The following PARD3 variants were observed in gnomAD, a reference collection of about 807,000 sequenced individuals.
The protein encoded by PARD3 is par-3 family cell polarity regulator.
Under a neutral mutation model 155.4 loss-of-function variants are expected in PARD3, and 75 were observed. That is an observed-to-expected ratio of 0.48 (90% CI 0.40 to 0.58). The LOEUF is 0.58. PARD3 is among the 20% of genes least tolerant of loss of function. The probability of loss-of-function intolerance (pLI) is 0.00; values close to 1 mark genes in which losing one functional copy is unlikely to be tolerated. For missense variants in PARD3, 1,642 were observed against 1,721.7 expected (o/e 0.95, Z 0.82); for synonymous variants, 576 against 610.5 (o/e 0.94, Z 0.83).
At chr10:34,743,983 T>C (rs1376297672) in intron 1 of PARD3, among the ~76,000 whole-genome samples, 3 of 152,112 alleles carry the variant, frequency 2.0e-5, no homozygotes, top group East Asian at 1.9e-4. Context: ...AGTAACAGCA[T>C]GTCTCGGCTA....
intron 1 of PARD3, among the ~76,000 whole-genome samples, chr10:34,783,925 T>C (rs996654872): frequency 6.6e-6 from 1 of 152,178 alleles, no homozygotes; most frequent in African/African-American, 2.4e-5. Context: ...ATCAGTATTC[T>C]AGGCCAGGTA....
chr10:34,299,194 G>A (rs887404115), intron 20 of PARD3, among the ~76,000 whole-genome samples: 1 of 152,202 alleles, frequency 6.6e-6, no homozygotes, highest in African/African-American at 2.4e-5. Flanking sequence ...CCTCCCAAAA[G>A]GCTAAGAGCA....
At chr10:34,299,534 T>G (rs957551360) in intron 20 of PARD3, among the ~76,000 whole-genome samples, 3 of 152,168 alleles carry the variant, frequency 2.0e-5, no homozygotes, top group African/African-American at 7.2e-5. Flanking sequence ...AAATGGAAAC[T>G]GGATAAAAAT....
chr10:34,750,157 TAAGC>T (rs1835812606), intron 1 of PARD3, among the ~76,000 whole-genome samples: 1 of 151,546 alleles, frequency 6.6e-6, no homozygotes, highest in South Asian at 2.1e-4. Context: ...GTCAAAGTCA[TAAGC>T]TTGGAAAATA....
rs546230552 is a variant in PARD3 at position 34,473,059 on chromosome 10, A to G, written c.404-2796T>C. On this transcript the variant is annotated intron_variant, in intron 3 of 24. Transcript: ENST00000374788. ...AGAGGAAGATAACAGAGGGAGCTCC[A>G]GGCCCTGCGGGATGTCTCTTATGGT... 7.9e-5 allele frequency among the ~76,000 whole-genome samples: 12 copies of G among 152,282 alleles called. No individual in the cohort carries two copies. The South Asian group carries it at 2.5e-3, about 32-fold the overall frequency.
rs779397159 is a variant in PARD3, at chr10:34,696,425, C to T, written c.121-6G>A. The stretch of plus-strand genomic sequence containing the variant: ...TGTATCCAGTAGTTTGGATCCTATA[C>T]GAAAGAACAGAAACACTGAATATAG... On this transcript the variant is annotated splice_region_variant and splice_polypyrimidine_tract_variant and intron_variant, in intron 1 of 24. Transcript: ENST00000374788. 15 of 1,560,628 alleles carry T rather than the reference C, an allele frequency of 9.6e-6. No homozygotes were observed. The highest frequency in any genetic ancestry group is 5.6e-5 in the South Asian group (5 of 89,518).
intron 2 of PARD3, among the ~76,000 whole-genome samples, chr10:34,579,268 C>CA (rs11463688): frequency 0.5 from 68,373 of 135,970 alleles, 17,782 homozygotes; most frequent in African/African-American, 0.72. Flanking sequence ...AGACTGGTCT[C>CA]AAAAAAAAAA....
At chr10:34,276,873 A>G (rs550507469) in intron 21 of PARD3, among the ~76,000 whole-genome samples, 1 of 152,326 alleles carries the variant, frequency 6.6e-6, no homozygotes, top group South Asian at 2.1e-4. Context: ...AGACTACAAG[A>G]AATAGAAACT....
At chr10:34,242,491 G>A (rs777482853) in intron 22 of PARD3, among the ~76,000 whole-genome samples, 27 of 152,160 alleles carry the variant, frequency 1.8e-4, no homozygotes, top group East Asian at 1.5e-3. Context: ...TTCAACTCCC[G>A]TAAAATGAGG....
chr10:34,497,207 T>C (rs2080351408), intron 3 of PARD3, among the ~76,000 whole-genome samples: 1 of 152,006 alleles, frequency 6.6e-6, no homozygotes, highest in Non-Finnish European at 1.5e-5. Context: ...ATCCACGGAC[T>C]GAATCTCAAC....
At position 34,247,434 on chromosome 10, in the gene PARD3, G is replaced by A. The variant is rs186685773; in HGVS notation, c.3419+22223C>T. Reference sequence around the variant, plus strand: ...GGAGAATTGCTTGAACCTGGGAGGCGGAGGTTGCAATGAGCCAAGATCACG... The same window carrying A: ...GGAGAATTGCTTGAACCTGGGAGGCAGAGGTTGCAATGAGCCAAGATCACG... On this transcript the variant is annotated intron_variant, in intron 22 of 24. Coordinates refer to ENST00000374788, the MANE Select transcript of PARD3 (RefSeq NM_001184785.2). Among the ~76,000 whole-genome samples the A allele has an allele frequency of 3.7e-3, 563 of 152,142 alleles. 2 individuals carry two copies. Among genetic ancestry groups the A allele is most frequent in the South Asian group, 0.021 (102 of 4,808 alleles).
intron 2 of PARD3, among the ~76,000 whole-genome samples, chr10:34,526,628 A>C (rs2082503093): frequency 6.6e-6 from 1 of 152,184 alleles, no homozygotes; most frequent in East Asian, 1.9e-4. Flanking sequence ...CTAGCTGGAT[A>C]TAGTAAACCA....
intron 1 of PARD3, among the ~76,000 whole-genome samples, chr10:34,728,314 C>T (rs1380548128): frequency 6.6e-6 from 1 of 152,070 alleles, no homozygotes; most frequent in African/African-American, 2.4e-5. Context: ...CATTAAATAG[C>T]AAATAAAGTA....
intron 22 of PARD3, among the ~76,000 whole-genome samples, chr10:34,261,753 GAAGA>G (rs1954989739): frequency 2.3e-5 from 1 of 43,514 alleles, no homozygotes; most frequent in African/African-American, 6.8e-5. Flanking sequence ...AGAAAGGAAG[GAAGA>G]AAGGAAGGAA....
chr10:34,440,478 T>C (rs1285256465), intron 5 of PARD3, among the ~76,000 whole-genome samples: 1 of 152,168 alleles, frequency 6.6e-6, no homozygotes, highest in East Asian at 1.9e-4. Context: ...CAAAGGCACC[T>C]GAAGGTCAAA....
intron 24 of PARD3, among the ~76,000 whole-genome samples, chr10:34,114,205 T>C (rs1217275855): frequency 6.6e-6 from 1 of 152,048 alleles, no homozygotes; most frequent in African/African-American, 2.4e-5. Context: ...GAGGCTGCAG[T>C]GAGCCGTGAT....
chr10:34,280,383 T>C (rs1411249882), intron 21 of PARD3, among the ~76,000 whole-genome samples: 3 of 152,232 alleles, frequency 2.0e-5, no homozygotes, highest in Non-Finnish European at 4.4e-5. Flanking sequence ...AGTGTGTTAA[T>C]ACAGATAAAT....
intron 2 of PARD3, among the ~76,000 whole-genome samples, chr10:34,604,891 A>AT (rs2090097836): frequency 6.6e-6 from 1 of 151,794 alleles, no homozygotes; most frequent in Non-Finnish European, 1.5e-5. Context: ...ATAAGTTTAC[A>AT]TTTTTCACTT....
At chr10:34,723,600 T>C (rs1194226315) in intron 1 of PARD3, among the ~76,000 whole-genome samples, 4 of 152,210 alleles carry the variant, frequency 2.6e-5, no homozygotes, top group Non-Finnish European at 5.9e-5. Context: ...CAAAATGTAT[T>C]AGATATCAAT....
Sources: gnomAD v4.1 joint callset for allele counts (sites outside exome capture counted in the v4.1 genomes callset) on GRCh38, gnomAD v4.1.1 for gene constraint, MANE v1.5 for transcripts, NCBI Gene and HGNC (gene_info 2026-07-23, HGNC 2026-07-21) for gene names.